The following CNTNAP2 variants were observed in gnomAD, a reference collection of about 807,000 sequenced individuals.
The protein encoded by CNTNAP2 is contactin-associated protein-like 2.
In CNTNAP2, 98 loss-of-function variants were observed where a neutral mutation model predicts 155.2. The observed-to-expected ratio is 0.63, with a 90% CI of 0.54 to 0.75. The LOEUF is 0.75. Among genes scored for constraint, CNTNAP2 ranks in the 30% least tolerant of loss-of-function variants. The pLI, the probability that CNTNAP2 is intolerant of heterozygous loss-of-function variation, is 0.00. For missense variants in CNTNAP2, 1,727 were observed against 1,688.1 expected, an observed-to-expected ratio of 1.02 and a Z score of -0.40; for synonymous variants, 651 against 631.2, an observed-to-expected ratio of 1.03 and a Z score of -0.47.
intron 8 of CNTNAP2, among the ~76,000 whole-genome samples, chr7:147,272,041 C>A (rs1431917089): frequency 6.6e-6 from 1 of 152,018 alleles, no homozygotes; most frequent in Non-Finnish European, 1.5e-5. Flanking sequence ...TACTGGTGCC[C>A]ACCACCAAAC....
chr7:147,622,241 TAAAC>T (rs953306553), intron 12 of CNTNAP2, among the ~76,000 whole-genome samples: 7 of 151,892 alleles, frequency 4.6e-5, no homozygotes, highest in African/African-American at 1.7e-4. Flanking sequence ...GGACAGGTAA[TAAAC>T]AAAAAAACAT....
intron 1 of CNTNAP2, among the ~76,000 whole-genome samples, chr7:146,653,148 G>A (rs1260813863): frequency 1.3e-5 from 2 of 152,074 alleles, no homozygotes; most frequent in African/African-American, 2.4e-5. Context: ...TCACTAAAGA[G>A]TCTGCTTCTA....
chr7:148,380,400 C>CTAA (rs1356190275), intron 21 of CNTNAP2, among the ~76,000 whole-genome samples: 2 of 152,140 alleles, frequency 1.3e-5, no homozygotes, highest in Non-Finnish European at 2.9e-5. Flanking sequence ...ATCAATGATG[C>CTAA]TAATGAAGAT....
At chr7:146,977,994 T>C (rs1321409579) in intron 3 of CNTNAP2, among the ~76,000 whole-genome samples, 1 of 152,076 alleles carries the variant, frequency 6.6e-6, no homozygotes, top group Non-Finnish European at 1.5e-5. Context: ...TAGGAGTAAA[T>C]ATAGAAAAGG....
intron 1 of CNTNAP2, among the ~76,000 whole-genome samples, chr7:146,514,893 C>A (rs562673945): frequency 6.6e-6 from 1 of 152,022 alleles, no homozygotes; most frequent in Admixed American, 6.6e-5. Context: ...TTGTTGAATT[C>A]TCTTAACTTT....
At chr7:146,968,111 T>A (rs1291690593) in intron 3 of CNTNAP2, among the ~76,000 whole-genome samples, 1 of 151,276 alleles carries the variant, frequency 6.6e-6, no homozygotes, top group Non-Finnish European at 1.5e-5. Flanking sequence ...CTGGATTACA[T>A]TTATTGATTT....
intron 1 of CNTNAP2, among the ~76,000 whole-genome samples, chr7:146,242,107 G>C (rs1339079415): frequency 6.6e-6 from 1 of 152,024 alleles, no homozygotes; most frequent in Non-Finnish European, 1.5e-5. Context: ...TTGTGATAAG[G>C]CATGTGAAAT....
intron 1 of CNTNAP2, among the ~76,000 whole-genome samples, chr7:146,341,219 G>C (rs1445472208): frequency 6.6e-6 from 1 of 152,016 alleles, no homozygotes; most frequent in Non-Finnish European, 1.5e-5. Context: ...CAGATTATAA[G>C]TCCTAAATGA....
intron 15 of CNTNAP2, among the ~76,000 whole-genome samples, chr7:148,009,939 C>A (rs1187956400): frequency 2.6e-5 from 4 of 151,952 alleles, no homozygotes; most frequent in African/African-American, 9.7e-5. Context: ...TAGTCATGTG[C>A]AAGAATTTCT....
intron 1 of CNTNAP2, among the ~76,000 whole-genome samples, chr7:146,134,467 G>C (rs1156296883): frequency 2.0e-5 from 3 of 151,476 alleles, no homozygotes; most frequent in African/African-American, 4.8e-5. Context: ...AGTGGTGAGA[G>C]AGGGCATCCC....
intron 1 of CNTNAP2, among the ~76,000 whole-genome samples, chr7:146,441,339 A>G (rs1243551559): frequency 6.6e-6 from 1 of 151,496 alleles, no homozygotes; most frequent in Non-Finnish European, 1.5e-5. Flanking sequence ...GAGGACTTTC[A>G]TATTGCAAGA....
chr7:148,033,006 T>C (rs945808395), intron 15 of CNTNAP2, among the ~76,000 whole-genome samples: 1 of 152,162 alleles, frequency 6.6e-6, no homozygotes, highest in Non-Finnish European at 1.5e-5. Flanking sequence ...GTGACTGGGA[T>C]GACTGGATCC....
rs769830314 is a variant in CNTNAP2 at position 147,903,662 on chromosome 7, C to T, written c.2196C>T (p.Ile732=). The stretch of plus-strand genomic sequence containing the variant: ...GAATCCAGAAATGTGCCTGCGGCAT[C>T]GAACGCAACTGCACAGATCCCAAGT... The part of the protein sequence containing the change: ...GPGIQKCACG[I]ERNCTDPKYY... Residue 732 remains isoleucine, a synonymous_variant, in exon 14 of 24, where the codon ATC becomes ATT. Coordinates refer to ENST00000361727, the MANE Select transcript of CNTNAP2 (RefSeq NM_014141.6). 3.7e-6 allele frequency: 6 copies of T among 1,614,020 alleles called. No homozygotes were observed. Among genetic ancestry groups the T allele is most frequent in the East Asian group, 2.2e-5 (1 of 44,852 alleles).
At chr7:147,190,437 G>C (rs1449487465) in intron 8 of CNTNAP2, among the ~76,000 whole-genome samples, 2 of 152,124 alleles carry the variant, frequency 1.3e-5, no homozygotes, top group Non-Finnish European at 2.9e-5. Context: ...CCATGTCACA[G>C]AATGAGAGTT....
intron 14 of CNTNAP2, among the ~76,000 whole-genome samples, chr7:147,953,646 A>G (rs1800973792): frequency 1.3e-5 from 2 of 152,192 alleles, no homozygotes; most frequent in Non-Finnish European, 2.9e-5. Context: ...GCAACAAAGT[A>G]CCATAAACAG....
At chr7:147,517,112 T>G (rs953898651) in intron 11 of CNTNAP2, among the ~76,000 whole-genome samples, 1 of 151,724 alleles carries the variant, frequency 6.6e-6, no homozygotes. Flanking sequence ...TCAAGTGATC[T>G]TCCCTCCATG....
At chr7:146,352,040 T>G (rs1209037728) in intron 1 of CNTNAP2, among the ~76,000 whole-genome samples, 1 of 152,192 alleles carries the variant, frequency 6.6e-6, no homozygotes, top group African/African-American at 2.4e-5. Flanking sequence ...TAAGTACATT[T>G]TCAAGGTCAT....
intron 3 of CNTNAP2, among the ~76,000 whole-genome samples, chr7:146,867,388 A>G (rs1562979440): frequency 6.6e-6 from 1 of 152,130 alleles, no homozygotes; most frequent in Non-Finnish European, 1.5e-5. Context: ...TTCATGGTGT[A>G]TATTTAGCAC....
At chr7:147,812,997 C>G (rs1013695375) in intron 13 of CNTNAP2, among the ~76,000 whole-genome samples, 2 of 151,896 alleles carry the variant, frequency 1.3e-5, no homozygotes, top group Admixed American at 1.3e-4. Context: ...TTATAGTCAC[C>G]TGGCTTCTAT....
Sources: gnomAD v4.1 joint callset for allele counts (sites outside exome capture counted in the v4.1 genomes callset) on GRCh38, gnomAD v4.1.1 for gene constraint, MANE v1.5 for transcripts, NCBI Gene and HGNC (gene_info 2026-07-23, HGNC 2026-07-21) for gene names.